The following NUDT21 variants were observed in gnomAD, a reference collection of about 807,000 sequenced individuals.
NUDT21 encodes the protein cleavage and polyadenylation specificity factor subunit 5.
Under a neutral mutation model 29.8 loss-of-function variants are expected in NUDT21, and 5 were observed. That is an observed-to-expected ratio of 0.17 (90% CI 0.09 to 0.35). The LOEUF is 0.35. Ranked by LOEUF, NUDT21 falls within the 10% of genes least tolerant of loss-of-function variation. The probability of loss-of-function intolerance (pLI) is 1.00; values close to 1 mark genes in which losing one functional copy is unlikely to be tolerated. For synonymous variants in NUDT21, 113 were observed against 98.5 expected, an observed-to-expected ratio of 1.15 and a Z score of -0.87; for missense variants, 76 against 276.0, an observed-to-expected ratio of 0.28 and a Z score of 5.13.
chr16:56,447,693 GA>G, intron 2 of NUDT21, 95 bp downstream of exon 2: 1 of 1,072,642 alleles, frequency 9.3e-7, no homozygotes, highest in Non-Finnish European at 1.4e-6. Flanking sequence ...AGTGTTTGTT[GA>G]AATGAATGAC....
Position 56,429,453 on chromosome 16 carries a change from G to C in NUDT21, c.*3259C>G, listed in dbSNP as rs1473424730. ...CATTACTAAGATACAAAATACACCT[G>C]AACTGGCCTAATCTAGAGTTACCTA... On this transcript the variant is annotated 3_prime_UTR_variant, in exon 7 of 7. Transcript: ENST00000300291. The C allele has an allele frequency of 1.3e-5, 2 of 152,098 alleles. No individual in the cohort carries two copies. The highest frequency in any genetic ancestry group is 4.8e-5 in the African/African-American group (2 of 41,412). 9.4% of individuals were successfully genotyped at this position (152,098 alleles called of 1,614,324 possible). A position where few individuals can be genotyped will look rare whatever the true frequency, so the allele number is the denominator to read the frequency against.
At chr16:56,439,870 C>A in intron 3 of NUDT21, 124 bp from the exon 4 acceptor site, 1 of 752,884 alleles carries the variant, frequency 1.3e-6, no homozygotes, top group Non-Finnish European at 2.3e-6. Flanking sequence ...GCCTTCCATA[C>A]AGATTTTCTA....
intron 4 of NUDT21, chr16:56,439,430 C>A: frequency 2.2e-6 from 1 of 458,634 alleles, no homozygotes; most frequent in South Asian, 2.3e-5. Flanking sequence ...CCCGCCTCGG[C>A]CTCCTGAAGT....
intron 1 of NUDT21, among the ~76,000 whole-genome samples, chr16:56,448,641 T>C (rs1962245233): frequency 1.3e-5 from 2 of 152,196 alleles, no homozygotes; most frequent in African/African-American, 2.4e-5. Context: ...CCATATCTAA[T>C]CGAAAACTCT....
At chr16:56,445,507 A>G (rs796428712) in intron 3 of NUDT21, among the ~76,000 whole-genome samples, 6 of 152,360 alleles carry the variant, frequency 3.9e-5, no homozygotes, top group African/African-American at 1.4e-4. Context: ...GTGCTATCAA[A>G]TAGCAGCTAA....
At chr16:56,449,414 T>C (rs1344741562) in intron 1 of NUDT21, among the ~76,000 whole-genome samples, 2 of 152,238 alleles carry the variant, frequency 1.3e-5, no homozygotes, top group African/African-American at 4.8e-5. Flanking sequence ...TAGGCATTCA[T>C]GCAATATTTC....
At chr16:56,438,919 T>C (rs1487893423) in intron 4 of NUDT21, among the ~76,000 whole-genome samples, 2 of 152,360 alleles carry the variant, frequency 1.3e-5, no homozygotes, top group Admixed American at 1.3e-4. Flanking sequence ...GACAATAATA[T>C]GGAATTGTTT....
chr16:56,432,705 C>T lies in NUDT21; in HGVS notation c.*7G>A. On this transcript the variant is annotated 3_prime_UTR_variant, in exon 7 of 7. Coordinates refer to ENST00000300291, the MANE Select transcript of NUDT21 (RefSeq NM_007006.3). ...CGGCTTCTTTTACTTCTCCACTGCG[C>T]AGGAATTCAGTTGTAAATAAAATTG... 6.2e-7 allele frequency: 1 copy of T among 1,610,772 alleles called. No homozygotes were observed. The highest frequency in any genetic ancestry group is 8.5e-7 in the Non-Finnish European group (1 of 1,177,544).
rs189312518 is a variant in NUDT21, at chr16:56,432,613, T to G, written c.*99A>C. On this transcript the variant is annotated 3_prime_UTR_variant, in exon 7 of 7. Transcript: ENST00000300291. ...GGCAATTTAGGGATCGCAAAAGAGA[T>G]AAAACCAAAAAAACTTTTCTACCAC... The G allele has an allele frequency of 5.1e-4, 509 of 1,007,670 alleles. 3 individuals carry two copies. The African/African-American group carries it at 7.0e-3, about 14-fold the overall frequency. The allele number at this position is 1,007,670 out of a possible 1,614,324, so 62.4% of individuals were successfully genotyped here.
At chr16:56,438,902 T>C (rs1193100144) in intron 4 of NUDT21, among the ~76,000 whole-genome samples, 1 of 152,194 alleles carries the variant, frequency 6.6e-6, no homozygotes, top group Non-Finnish European at 1.5e-5. Context: ...ACAGTGACTA[T>C]ATATTTGACA....
At chr16:56,448,991 T>C (rs1281184575) in intron 1 of NUDT21, among the ~76,000 whole-genome samples, 1 of 152,158 alleles carries the variant, frequency 6.6e-6, no homozygotes, top group African/African-American at 2.4e-5. Context: ...ATGAAAAAGC[T>C]CTAAAATAAT....
intron 6 of NUDT21, 54 bp from the exon 7 acceptor site, chr16:56,432,787 A>G: frequency 1.5e-6 from 2 of 1,292,514 alleles, no homozygotes; most frequent in Non-Finnish European, 2.2e-6. Context: ...ACTACTTTCC[A>G]TATTAGATAA....
intron 1 of NUDT21, among the ~76,000 whole-genome samples, chr16:56,450,509 C>A (rs1223691892): frequency 6.6e-6 from 1 of 152,276 alleles, no homozygotes; most frequent in East Asian, 1.9e-4. Flanking sequence ...AGACATCAGA[C>A]GACGCGAAGG....
At chr16:56,440,743 A>C (rs1409237564) in intron 3 of NUDT21, among the ~76,000 whole-genome samples, 1 of 152,162 alleles carries the variant, frequency 6.6e-6, no homozygotes, top group Non-Finnish European at 1.5e-5. Flanking sequence ...TTTTTCAAAA[A>C]AAAAATTTTT....
intron 4 of NUDT21, 110 bp downstream of exon 4, chr16:56,439,547 G>A (rs1461271341): frequency 3.9e-6 from 3 of 776,176 alleles, no homozygotes; most frequent in African/African-American, 1.7e-5. Flanking sequence ...ATTAAGGAGG[G>A]AAGAAAAGAA....
Position 56,451,324 on chromosome 16 carries a change from C to T in NUDT21, c.-122G>A, listed in dbSNP as rs563282820. 1.4e-5 allele frequency: 12 copies of T among 828,258 alleles called. No individual in the cohort carries two copies. Among genetic ancestry groups the T allele is most frequent in the Admixed American group, 1.0e-4 (4 of 38,630 alleles). The allele number at this position is 828,258 out of a possible 1,614,324, so 51.3% of individuals were successfully genotyped here. A position where few individuals can be genotyped will look rare whatever the true frequency, so the allele number is the denominator to read the frequency against. On this transcript the variant is annotated 5_prime_UTR_variant, in exon 1 of 7. Transcript: ENST00000300291. ...ACTGCCCGCCATTAACAGGACAGCG[C>T]AAGAGGAGGCGTAGGCACGCCGGAA...
At chr16:56,439,811 G>A in intron 3 of NUDT21, 65 bp from the exon 4 acceptor site, 1 of 1,292,312 alleles carries the variant, frequency 7.7e-7, no homozygotes, top group Non-Finnish European at 1.1e-6. Context: ...CTTCTTCAGT[G>A]AACAGAAAAT....
At position 56,439,763 on chromosome 16, in the gene NUDT21, A is replaced by G. The variant is rs1405389796; in HGVS notation, c.382-17T>C. The G allele has an allele frequency of 1.9e-6, 3 of 1,598,784 alleles. No homozygotes were observed. The Admixed American group carries it at 5.0e-5, about 27-fold the overall frequency. On this transcript the variant is annotated splice_polypyrimidine_tract_variant and intron_variant, in intron 3 of 6. Transcript: ENST00000300291. ...ACCCAGTATCTGTCAAAAAGAAATAAGCCAGTAAACAACTAAATATATGTA... is the reference window on the plus strand; with the variant it reads ...ACCCAGTATCTGTCAAAAAGAAATAGGCCAGTAAACAACTAAATATATGTA...
chr16:56,448,597 T>C (rs1962244850), intron 1 of NUDT21, among the ~76,000 whole-genome samples: 1 of 152,232 alleles, frequency 6.6e-6, no homozygotes. Context: ...AGTCTCCTTA[T>C]TGTTTCCTTC....
Sources: gnomAD v4.1 joint callset for allele counts (sites outside exome capture counted in the v4.1 genomes callset) on GRCh38, gnomAD v4.1.1 for gene constraint, MANE v1.5 for transcripts, NCBI Gene and HGNC (gene_info 2026-07-23, HGNC 2026-07-21) for gene names.